Variants in CNTN4 observed in about 807,000 individuals in gnomAD.
CNTN4 encodes contactin 4.
In CNTN4, 77 loss-of-function variants were observed where a neutral mutation model predicts 122.5. That is an observed-to-expected ratio of 0.63 (90% CI 0.52 to 0.76). The LOEUF is 0.76. Ranked by LOEUF, CNTN4 falls within the 30% of genes least tolerant of loss-of-function variation. The pLI, the probability that CNTN4 is intolerant of heterozygous loss-of-function variation, is 0.00. For synonymous variants in CNTN4, 512 were observed against 447.0 expected (o/e 1.15, Z -1.83); for missense variants, 1,256 against 1,259.1 (o/e 1.00, Z 0.04).
At chr3:2,624,627 C>CT (rs1175851279) in intron 4 of CNTN4, among the ~76,000 whole-genome samples, 7,620 of 89,944 alleles carry the variant, frequency 0.085, 573 homozygotes, top group Admixed American at 0.12. Context: ...ATTTCTGATT[C>CT]TTTTTTTTTT....
chr3:2,535,884 G>C (rs1284256924), intron 3 of CNTN4, among the ~76,000 whole-genome samples: 1 of 151,948 alleles, frequency 6.6e-6, no homozygotes, highest in Non-Finnish European at 1.5e-5. Flanking sequence ...TCTGTGAAAG[G>C]GCTAATCTGG....
chr3:2,848,872 C>T (rs1050864271), intron 7 of CNTN4, among the ~76,000 whole-genome samples: 5 of 152,052 alleles, frequency 3.3e-5, no homozygotes, highest in African/African-American at 1.2e-4. Context: ...GGCAGCCAGA[C>T]GACATAGGTC....
At chr3:2,925,433 G>C (rs1452676800) in intron 12 of CNTN4, among the ~76,000 whole-genome samples, 196 bp from the exon 13 acceptor site, 1 of 152,016 alleles carries the variant, frequency 6.6e-6, no homozygotes, top group Non-Finnish European at 1.5e-5. Context: ...CGTGCCTGTA[G>C]TCCCAGCTAC....
At chr3:2,377,478 C>G (rs1281430078) in intron 3 of CNTN4, among the ~76,000 whole-genome samples, 1 of 152,212 alleles carries the variant, frequency 6.6e-6, no homozygotes, top group Non-Finnish European at 1.5e-5. Context: ...TGAAAGCTTT[C>G]CTCTCTAGAG....
At chr3:2,366,465 CACCTG>C (rs2150592730) in intron 3 of CNTN4, among the ~76,000 whole-genome samples, 1 of 152,254 alleles carries the variant, frequency 6.6e-6, no homozygotes, top group Non-Finnish European at 1.5e-5. Flanking sequence ...CAGTGGCTCA[CACCTG>C]TAATCCCAGC....
intron 3 of CNTN4, among the ~76,000 whole-genome samples, chr3:2,363,519 C>A (rs2045247232): frequency 6.6e-6 from 1 of 152,164 alleles, no homozygotes. Flanking sequence ...CATTTTTAAG[C>A]TATATAACAA....
chr3:3,032,695 A>G (rs1194231212), intron 16 of CNTN4, among the ~76,000 whole-genome samples: 2 of 152,176 alleles, frequency 1.3e-5, no homozygotes, highest in African/African-American at 2.4e-5. Flanking sequence ...TAGCACTGTA[A>G]TGGCAGCCAG....
intron 4 of CNTN4, among the ~76,000 whole-genome samples, chr3:2,630,245 G>A (rs566302415): frequency 6.6e-6 from 1 of 152,258 alleles, no homozygotes; most frequent in East Asian, 1.9e-4. Context: ...GACCAGCCTG[G>A]CCAACATGGT....
chr3:2,224,270 A>G (rs2039177823), intron 2 of CNTN4, among the ~76,000 whole-genome samples: 1 of 152,112 alleles, frequency 6.6e-6, no homozygotes, highest in Non-Finnish European at 1.5e-5. Context: ...AGCCTCAACA[A>G]TAGGCAGAGC....
At chr3:3,009,043 G>C (rs1468385815) in intron 14 of CNTN4, 22 of 985,238 alleles carry the variant, frequency 2.2e-5, no homozygotes, top group Non-Finnish European at 2.7e-5. Context: ...GGTGTTATTA[G>C]CACAGTGAGC....
In CNTN4 at chr3:2,769,323, G is replaced by A. The variant is rs1180251633; in HGVS notation, c.358+23626G>A. On this transcript the variant is annotated intron_variant, in intron 6 of 24. Transcript: ENST00000418658. Reference sequence around the variant, plus strand: ...CTAAAAATACAAAAACAATTAGTCGGGCGTGGTGGCGCACACCTGTAGTCC... The same window carrying A: ...CTAAAAATACAAAAACAATTAGTCGAGCGTGGTGGCGCACACCTGTAGTCC... Among the ~76,000 whole-genome samples the A allele has an allele frequency of 2.6e-5, 4 of 151,936 alleles. No homozygotes were observed. The East Asian group carries it at 7.7e-4, about 29-fold the overall frequency.
In CNTN4 at chr3:2,338,964, A is replaced by G. The variant is rs144672800; in HGVS notation, c.-144-214A>G. Among the ~76,000 whole-genome samples the G allele has an allele frequency of 3.3e-5, 5 of 152,196 alleles. No individual in the cohort carries two copies. The East Asian group carries it at 7.7e-4, about 24-fold the overall frequency. ...GACCTTCTCAAAAGTCACTCAGCTC[A>G]TGGGAGGCAAGGCGGAGAATGGATC... On this transcript the variant is annotated intron_variant, in intron 2 of 24. Transcript: ENST00000418658.
chr3:2,578,019 G>A (rs968000930), intron 4 of CNTN4, among the ~76,000 whole-genome samples: 2 of 152,162 alleles, frequency 1.3e-5, no homozygotes, highest in Non-Finnish European at 2.9e-5. Flanking sequence ...ATGTAGTGGA[G>A]AAAGATCCTG....
chr3:2,608,541 G>A (rs2081350652), intron 4 of CNTN4, among the ~76,000 whole-genome samples: 1 of 152,294 alleles, frequency 6.6e-6, no homozygotes, highest in East Asian at 1.9e-4. Context: ...CAGTGATCTC[G>A]GCTTACTACA....
At chr3:2,750,472 C>G (rs893243623) in intron 6 of CNTN4, among the ~76,000 whole-genome samples, 1 of 152,194 alleles carries the variant, frequency 6.6e-6, no homozygotes, top group Non-Finnish European at 1.5e-5. Flanking sequence ...GATGAGACCA[C>G]TAAGAACTTG....
intron 3 of CNTN4, among the ~76,000 whole-genome samples, chr3:2,532,476 G>A (rs375256315): frequency 6.6e-6 from 1 of 151,878 alleles, no homozygotes; most frequent in African/African-American, 2.4e-5. Context: ...TTTGTACTAG[G>A]AACAAAAAAT....
intron 2 of CNTN4, among the ~76,000 whole-genome samples, chr3:2,302,711 C>G (rs2042567881): frequency 6.6e-6 from 1 of 152,180 alleles, no homozygotes; most frequent in Admixed American, 6.5e-5. Context: ...AAACAACTCA[C>G]CATTTCTGCC....
At chr3:3,044,197 G>T (rs917719279) in intron 23 of CNTN4, among the ~76,000 whole-genome samples, 1 of 152,130 alleles carries the variant, frequency 6.6e-6, no homozygotes, top group Admixed American at 6.6e-5. Context: ...ATGTTGGCTT[G>T]TCTTTAATGA....
intron 2 of CNTN4, among the ~76,000 whole-genome samples, chr3:2,281,614 G>T (rs7619379): frequency 0.27 from 41,560 of 151,808 alleles, 5,934 homozygotes; most frequent in East Asian, 0.44. Flanking sequence ...CAACTGATAC[G>T]TTTTTACTTT....
Sources: allele counts gnomAD v4.1 joint callset (sites outside exome capture counted in the v4.1 genomes callset), GRCh38; gene constraint gnomAD v4.1.1; transcripts MANE v1.5; gene names NCBI Gene and HGNC (gene_info 2026-07-23, HGNC 2026-07-21).